Variants in GPR158 observed in about 807,000 individuals in gnomAD.
GPR158 encodes the protein metabotropic glycine receptor.
A neutral mutation model predicts 78.2 loss-of-function variants in GPR158; 30 were observed. The ratio of observed to expected loss-of-function variants is 0.38; its 90% CI spans 0.29 to 0.52. The LOEUF is 0.52. Among genes scored for constraint, GPR158 ranks in the 20% least tolerant of loss-of-function variants. The probability of loss-of-function intolerance (pLI) is 0.83; values close to 1 mark genes in which losing one functional copy is unlikely to be tolerated. For missense variants in GPR158, 1,463 were observed against 1,523.5 expected, an observed-to-expected ratio of 0.96 and a Z score of 0.66; for synonymous variants, 581 against 591.1, an observed-to-expected ratio of 0.98 and a Z score of 0.25.
At chr10:25,258,456 CA>C (rs1264036282) in intron 2 of GPR158, among the ~76,000 whole-genome samples, 92 of 152,258 alleles carry the variant, frequency 6.0e-4, no homozygotes, top group African/African-American at 2.2e-3. Flanking sequence ...TCAATTTTCA[CA>C]AACCTTTTCC....
intron 7 of GPR158, among the ~76,000 whole-genome samples, chr10:25,581,656 T>C (rs1837200859): frequency 6.6e-6 from 1 of 152,218 alleles, no homozygotes; most frequent in Admixed American, 6.5e-5. Context: ...CGTGGTAGCC[T>C]GCCAGCTAGC....
intron 1 of GPR158, among the ~76,000 whole-genome samples, chr10:25,218,912 C>T (rs923122400): frequency 1.9e-4 from 29 of 151,880 alleles, no homozygotes; most frequent in African/African-American, 7.0e-4. Flanking sequence ...TTTCTCTATC[C>T]CACACTAGAA....
At chr10:25,371,020 G>C (rs950571824) in intron 2 of GPR158, among the ~76,000 whole-genome samples, 14 of 145,236 alleles carry the variant, frequency 9.6e-5, no homozygotes, top group African/African-American at 3.6e-4. Context: ...CCATTGGCTT[G>C]GTAGATCTTC....
intron 4 of GPR158, among the ~76,000 whole-genome samples, chr10:25,439,966 A>AAATAT (rs1835046889): frequency 6.6e-6 from 1 of 152,164 alleles, no homozygotes; most frequent in Non-Finnish European, 1.5e-5. Context: ...TTTAGAAATG[A>AAATAT]GCTTTCATGA....
At chr10:25,593,439 G>T (rs1325943099) in intron 8 of GPR158, among the ~76,000 whole-genome samples, 1 of 152,010 alleles carries the variant, frequency 6.6e-6, no homozygotes. Context: ...AAACAAAATT[G>T]TAATTCTCTA....
intron 4 of GPR158, among the ~76,000 whole-genome samples, chr10:25,461,830 C>G (rs1485483620): frequency 6.7e-6 from 1 of 149,280 alleles, no homozygotes; most frequent in Admixed American, 6.8e-5. Flanking sequence ...CTCCCGGGTT[C>G]ACGCCATTCT....
chr10:25,443,569 A>T (rs1185612323), intron 4 of GPR158, among the ~76,000 whole-genome samples: 1 of 150,878 alleles, frequency 6.6e-6, no homozygotes, highest in African/African-American at 2.4e-5. Flanking sequence ...AAAAAAAAAA[A>T]AAAATTTTTT....
chr10:25,468,875 A>G (rs756832267), intron 5 of GPR158, among the ~76,000 whole-genome samples: 3 of 152,232 alleles, frequency 2.0e-5, no homozygotes, highest in Non-Finnish European at 4.4e-5. Flanking sequence ...GAGTTAATGC[A>G]AACAATGATA....
At chr10:25,242,407 T>C (rs532000741) in intron 2 of GPR158, among the ~76,000 whole-genome samples, 1 of 152,336 alleles carries the variant, frequency 6.6e-6, no homozygotes, top group South Asian at 2.1e-4. Flanking sequence ...AAAACAAATC[T>C]CAATATTTTC....
intron 5 of GPR158, among the ~76,000 whole-genome samples, chr10:25,549,847 G>A (rs189884480): frequency 6.6e-6 from 1 of 152,158 alleles, no homozygotes; most frequent in East Asian, 1.9e-4. Context: ...CCTACCCCAT[G>A]GCCCCCAGCA....
intron 2 of GPR158, among the ~76,000 whole-genome samples, chr10:25,257,077 T>C (rs1853898306): frequency 6.6e-6 from 1 of 152,224 alleles, no homozygotes; most frequent in East Asian, 1.9e-4. Flanking sequence ...ACAAGTTTAT[T>C]TGGCTCATAG....
intron 2 of GPR158, among the ~76,000 whole-genome samples, chr10:25,292,478 T>C (rs1351203128): frequency 1.3e-5 from 2 of 151,844 alleles, no homozygotes; most frequent in Non-Finnish European, 2.9e-5. Context: ...AAGCATTTCA[T>C]TGATGTAGTT....
intron 5 of GPR158, among the ~76,000 whole-genome samples, chr10:25,520,826 G>A (rs1212796158): frequency 6.6e-6 from 1 of 152,224 alleles, no homozygotes; most frequent in Non-Finnish European, 1.5e-5. Flanking sequence ...TTGTTTGTCT[G>A]TGCCCTGCCC....
chr10:25,421,196 G>A (rs954500466), intron 4 of GPR158, among the ~76,000 whole-genome samples: 1 of 152,096 alleles, frequency 6.6e-6, no homozygotes, highest in Non-Finnish European at 1.5e-5. Flanking sequence ...TTATTCCTAA[G>A]TATTACGATA....
intron 1 of GPR158, among the ~76,000 whole-genome samples, chr10:25,199,153 G>T (rs910232769): frequency 2.7e-5 from 4 of 146,316 alleles, no homozygotes; most frequent in Admixed American, 7.0e-5. Flanking sequence ...TTTTATTATA[G>T]GTTCATGGTT....
Position 25,337,958 on chromosome 10 carries a change from CTG to C in GPR158, c.1009-57951_1009-57950del, listed in dbSNP as rs1361333336. Among the ~76,000 whole-genome samples the C allele has an allele frequency of 5.3e-5, 8 of 151,994 alleles. 1 individual carries two copies. Among genetic ancestry groups the C allele is most frequent in the Admixed American group, 4.6e-4 (7 of 15,238 alleles). Reference sequence around the variant, plus strand: ...TGAAATTAATATTTAAGTATTTCGACTGTTTTTTAAAATGCCTTTTTTCTTAT... The same window carrying C: ...TGAAATTAATATTTAAGTATTTCGACTTTTTTAAAATGCCTTTTTTCTTAT... On this transcript the variant is annotated intron_variant, in intron 2 of 10. Transcript: ENST00000376351.
chr10:25,549,899 G>C (rs765923941), intron 5 of GPR158, among the ~76,000 whole-genome samples: 3 of 152,112 alleles, frequency 2.0e-5, no homozygotes, highest in Non-Finnish European at 2.9e-5. Context: ...TCATACTCAG[G>C]GTTTTGGCAG....
chr10:25,355,728 A>G (rs890019944), intron 2 of GPR158, among the ~76,000 whole-genome samples: 11 of 151,972 alleles, frequency 7.2e-5, no homozygotes, highest in African/African-American at 2.4e-4. Flanking sequence ...AGGTTACTGT[A>G]ATCTTTTGGC....
Position 25,598,661 on chromosome 10 carries a change from A to T in GPR158, c.3035A>T (p.Tyr1012Phe). The change falls in exon 11 of 11, where the codon TAT (tyrosine) becomes TTT (phenylalanine). Residue 1012 changes from tyrosine to phenylalanine, a missense_variant. Coordinates refer to ENST00000376351, the MANE Select transcript of GPR158 (RefSeq NM_020752.3). Reference protein sequence around the residue: ...DIGEVCPWEVYDLTPGPVPSE... With the variant: ...DIGEVCPWEVFDLTPGPVPSE... ...GGGGAGGTGTGTCCTTGGGAGGTTT[A>T]TGACCTGACCCCTGGTCCTGTGCCT... is the stretch of plus-strand genomic sequence containing the variant. 6.2e-7 allele frequency: 1 copy of T among 1,614,092 alleles called. No individual in the cohort carries two copies. The highest frequency in any genetic ancestry group is 8.5e-7 in the Non-Finnish European group (1 of 1,180,008).
Sources: gnomAD v4.1 joint callset for allele counts (sites outside exome capture counted in the v4.1 genomes callset) on GRCh38, gnomAD v4.1.1 for gene constraint, MANE v1.5 for transcripts, NCBI Gene and HGNC (gene_info 2026-07-23, HGNC 2026-07-21) for gene names.